The following TRAPPC9 variants were observed in gnomAD, a reference collection of about 807,000 sequenced individuals.
The protein encoded by TRAPPC9 is trafficking protein particle complex subunit 9, also known as IKK2 binding protein.
In TRAPPC9, 83 loss-of-function variants were observed where a neutral mutation model predicts 124.0. The observed-to-expected ratio is 0.67, with a 90% CI of 0.56 to 0.80. TRAPPC9 has a LOEUF of 0.80. Ranked by LOEUF, TRAPPC9 falls within the 30% of genes least tolerant of loss-of-function variation. The probability of loss-of-function intolerance (pLI) is 0.00; values close to 1 mark genes in which losing one functional copy is unlikely to be tolerated. For missense variants in TRAPPC9, 1,302 were observed against 1,508.3 expected (o/e 0.86, Z 2.27); for synonymous variants, 638 against 617.5 (o/e 1.03, Z -0.49).
At chr8:140,281,952 G>C (rs887398559) in intron 14 of TRAPPC9, among the ~76,000 whole-genome samples, 1 of 151,994 alleles carries the variant, frequency 6.6e-6, no homozygotes, top group Non-Finnish European at 1.5e-5. Context: ...GGGACCTCCC[G>C]CATCACAGTC....
At chr8:139,862,109 C>T (rs1828204944) in intron 21 of TRAPPC9, among the ~76,000 whole-genome samples, 1 of 151,936 alleles carries the variant, frequency 6.6e-6, no homozygotes, top group Non-Finnish European at 1.5e-5. Context: ...GACTCTGGTC[C>T]ATTTTACAGA....
intron 21 of TRAPPC9, among the ~76,000 whole-genome samples, chr8:139,804,438 A>ATCACCACCAC (rs1823854962): frequency 8.3e-6 from 1 of 120,608 alleles, no homozygotes; most frequent in African/African-American, 3.2e-5. Flanking sequence ...ACCAAGCACC[A>ATCACCACCAC]TCACCACCAC....
At chr8:139,977,528 G>T (rs2131640916) in intron 19 of TRAPPC9, among the ~76,000 whole-genome samples, 1 of 150,550 alleles carries the variant, frequency 6.6e-6, no homozygotes, top group East Asian at 2.0e-4. Flanking sequence ...TGAGGCAGGA[G>T]AATGGTGTGA....
intron 14 of TRAPPC9, among the ~76,000 whole-genome samples, chr8:140,280,996 G>A (rs1008162517): frequency 1.3e-5 from 2 of 152,194 alleles, no homozygotes; most frequent in African/African-American, 2.4e-5. Context: ...GCGGAGTGGT[G>A]TTCCACTGCA....
chr8:140,103,783 A>G (rs2060620938), intron 17 of TRAPPC9, among the ~76,000 whole-genome samples: 2 of 152,180 alleles, frequency 1.3e-5, no homozygotes, highest in South Asian at 4.1e-4. Flanking sequence ...TTTACAGATG[A>G]AGGTACTAAG....
chr8:139,842,905 T>C (rs991485124), intron 21 of TRAPPC9, among the ~76,000 whole-genome samples: 1 of 152,378 alleles, frequency 6.6e-6, no homozygotes, highest in Admixed American at 6.5e-5. Flanking sequence ...AAGCAGATTT[T>C]CATCGCACAG....
At chr8:139,903,351 G>A (rs965093112) in intron 20 of TRAPPC9, among the ~76,000 whole-genome samples, 3 of 152,140 alleles carry the variant, frequency 2.0e-5, no homozygotes, top group African/African-American at 7.2e-5. Context: ...CGCCTGGTGG[G>A]AAGAGATTGC....
chr8:140,397,629 G>A lies in TRAPPC9; in HGVS notation c.1125C>T (p.Asn375=), dbSNP rs2132385779. Residue 375 remains asparagine (N), a synonymous_variant, in exon 7 of 23, where the codon AAC becomes AAT. Transcript: ENST00000438773. ...GTAGACATACACTCACCTGTCGAAG[G>A]TTAATGTAAACTGCATTCTGAAGAA... The part of the protein sequence containing the change: ...SEFLQNAVYI[N]LRQLSEEEKI... The A allele has an allele frequency of 6.2e-7, 1 of 1,614,090 alleles. No homozygotes were observed. The highest frequency in any genetic ancestry group is 2.2e-5 in the East Asian group (1 of 44,884).
At chr8:139,914,836 T>C (rs150351419) in intron 19 of TRAPPC9, 32 of 152,332 alleles carry the variant, frequency 2.1e-4, no homozygotes, top group African/African-American at 7.5e-4. Flanking sequence ...CACCTGCAGG[T>C]GTGGTTTGCA....
chr8:140,207,377 T>C (rs907245888), intron 17 of TRAPPC9, among the ~76,000 whole-genome samples: 2 of 152,216 alleles, frequency 1.3e-5, no homozygotes, highest in Non-Finnish European at 2.9e-5. Context: ...TTAAACTGCT[T>C]TGGATTTTTT....
Position 140,457,731 on chromosome 8 carries a change from T to G in TRAPPC9, c.-103A>C, listed in dbSNP as rs927259986. 3 of 994,876 alleles carry G rather than the reference T, an allele frequency of 3.0e-6. No individual in the cohort carries two copies. In the Admixed American group the frequency reaches 1.8e-4, roughly 58 times the overall value. 61.6% of individuals were successfully genotyped at this position (994,876 alleles called of 1,614,324 possible). ...TGCGGCCACTTCCCAGGCTCTGGGC[T>G]GGCGCTTCCTACTGGCGGCCGAGCC... is the stretch of plus-strand genomic sequence containing the variant. On this transcript the variant is annotated 5_prime_UTR_variant, in exon 1 of 23. Transcript: ENST00000438773.
At chr8:140,318,008 T>C (rs998323181) in intron 9 of TRAPPC9, among the ~76,000 whole-genome samples, 6 of 152,202 alleles carry the variant, frequency 3.9e-5, no homozygotes, top group Admixed American at 2.6e-4. Flanking sequence ...TTAAGTATAA[T>C]ATTGTAGTTA....
At chr8:140,169,723 A>G (rs1358863059) in intron 17 of TRAPPC9, among the ~76,000 whole-genome samples, 1 of 152,142 alleles carries the variant, frequency 6.6e-6, no homozygotes, top group East Asian at 1.9e-4. Flanking sequence ...ATCTATAGAG[A>G]CAGAATGCAG....
At chr8:139,801,689 C>A (rs1331868320) in intron 21 of TRAPPC9, among the ~76,000 whole-genome samples, 2 of 152,244 alleles carry the variant, frequency 1.3e-5, no homozygotes, top group Admixed American at 6.5e-5. Context: ...TGGGTTTCAA[C>A]TGCACAGTCG....
chr8:140,297,525 G>A (rs1023068739), intron 11 of TRAPPC9, among the ~76,000 whole-genome samples: 1 of 152,280 alleles, frequency 6.6e-6, no homozygotes, highest in Admixed American at 6.5e-5. Flanking sequence ...AGTATTGACT[G>A]CAGTTTTTCA....
chr8:140,359,437 A>G (rs1272312607), intron 9 of TRAPPC9, among the ~76,000 whole-genome samples: 2 of 152,218 alleles, frequency 1.3e-5, no homozygotes, highest in Non-Finnish European at 2.9e-5. Flanking sequence ...TAAGAAGAGA[A>G]GATGAAGGCC....
intron 9 of TRAPPC9, among the ~76,000 whole-genome samples, chr8:140,329,207 G>T (rs541588377): frequency 1.6e-4 from 25 of 152,190 alleles, no homozygotes; most frequent in Admixed American, 1.0e-3. Context: ...CATCTGGAAA[G>T]AATGCTAGAG....
chr8:140,191,100 G>A (rs2062481894), intron 17 of TRAPPC9, among the ~76,000 whole-genome samples: 1 of 152,134 alleles, frequency 6.6e-6, no homozygotes, highest in African/African-American at 2.4e-5. Context: ...CCCCCACCAA[G>A]GCACAAGTGC....
chr8:140,010,825 CA>C lies in TRAPPC9; in HGVS notation c.2699+13111del, dbSNP rs1839068832. ...CCCACGTATGCACAAAGTTTATATA[CA>C]AGAATGTCCAATGCAAAACTGCTTG... On this transcript the variant is annotated intron_variant, in intron 18 of 22. Transcript: ENST00000438773. Among the ~76,000 whole-genome samples, 3 of 152,162 alleles carry C rather than the reference CA, an allele frequency of 2.0e-5. 1 individual carries two copies. In the South Asian group the frequency reaches 6.2e-4, roughly 32 times the overall value.
Sources: gnomAD v4.1 joint callset for allele counts (sites outside exome capture counted in the v4.1 genomes callset) on GRCh38, gnomAD v4.1.1 for gene constraint, MANE v1.5 for transcripts, NCBI Gene and HGNC (gene_info 2026-07-23, HGNC 2026-07-21) for gene names.